Variants in CHRNA7 observed in about 807,000 individuals in gnomAD.
CHRNA7 encodes neuronal acetylcholine receptor subunit alpha-7.
CHRNA7 carries 17 observed loss-of-function variants against 48.0 expected under a neutral mutation model. The ratio of observed to expected loss-of-function variants is 0.35; its 90% CI spans 0.24 to 0.53. The LOEUF is 0.53. Among genes scored for constraint, CHRNA7 ranks in the 20% least tolerant of loss-of-function variants. The pLI, the probability that CHRNA7 is intolerant of heterozygous loss-of-function variation, is 0.92. For missense variants in CHRNA7, 155 were observed against 577.7 expected (o/e 0.27, Z 7.50); for synonymous variants, 75 against 242.3 (o/e 0.31, Z 6.41).
Position 32,134,162 on chromosome 15 carries a change from G to GTT in CHRNA7, c.351-19734_351-19733dup, listed in dbSNP as rs1184841111. Among the ~76,000 whole-genome samples, 4 of 145,226 alleles carry GTT rather than the reference G, an allele frequency of 2.8e-5. No homozygotes were observed. The East Asian group carries it at 8.0e-4, about 29-fold the overall frequency. On this transcript the variant is annotated intron_variant, in intron 4 of 9. Transcript: ENST00000306901. ...TGACTACATGTGGGTTTTTTTGTGTGTTTTTTTTTTTTCTGAGACTGAGTC... is the reference window on the plus strand; with the variant it reads ...TGACTACATGTGGGTTTTTTTGTGTGTTTTTTTTTTTTTTCTGAGACTGAGTC...
intron 2 of CHRNA7, among the ~76,000 whole-genome samples, chr15:32,066,023 G>A (rs1282499175): frequency 6.6e-6 from 1 of 152,258 alleles, no homozygotes; most frequent in Non-Finnish European, 1.5e-5. Flanking sequence ...TCAGCTGCCT[G>A]GCTGTGCCGA....
intron 2 of CHRNA7, among the ~76,000 whole-genome samples, chr15:32,051,064 G>T (rs901583496): frequency 6.9e-4 from 105 of 151,986 alleles, no homozygotes; most frequent in African/African-American, 2.5e-3. Context: ...CTACTTGGGG[G>T]TGCCTCCCAG....
chr15:32,122,523 T>C (rs570343434), intron 4 of CHRNA7, among the ~76,000 whole-genome samples: 23 of 152,238 alleles, frequency 1.5e-4, no homozygotes, highest in Non-Finnish European at 2.6e-4. Context: ...ATTTTTGTGT[T>C]GTTTCCTTTA....
intron 2 of CHRNA7, among the ~76,000 whole-genome samples, chr15:32,076,079 G>T (rs2050132141): frequency 6.6e-6 from 1 of 151,792 alleles, no homozygotes. Context: ...GAGTTTTATG[G>T]TCCAGAGTAT....
chr15:32,065,420 A>G (rs994001137), intron 2 of CHRNA7, among the ~76,000 whole-genome samples: 6 of 152,232 alleles, frequency 3.9e-5, no homozygotes, highest in African/African-American at 1.4e-4. Flanking sequence ...GAGCTTTCCC[A>G]GTCTAGAAAG....
rs2141376815 is a variant in CHRNA7 at position 32,157,528 on chromosome 15, C to T, written c.431-80C>T. On this transcript the variant is annotated intron_variant, in intron 5 of 9. Transcript: ENST00000306901. The stretch of plus-strand genomic sequence containing the variant: ...TTAGCTGCAGTGCGGAGGGCGGAAC[C>T]GGCTGAAGGAACTGCTGTGTATTTT... 1.3e-5 allele frequency: 10 copies of T among 757,968 alleles called. 2 individuals carry two copies. The highest frequency in any genetic ancestry group is 6.4e-5 in the South Asian group (4 of 62,936). The allele number at this position is 757,968 out of a possible 1,614,324, so 47.0% of individuals were successfully genotyped here. A position where few individuals can be genotyped will look rare whatever the true frequency, so the allele number is the denominator to read the frequency against.
chr15:32,143,526 C>T (rs1192030173), intron 4 of CHRNA7, among the ~76,000 whole-genome samples: 3 of 152,154 alleles, frequency 2.0e-5, no homozygotes, highest in Non-Finnish European at 2.9e-5. Context: ...CTGTTAAAGT[C>T]TCCCATTATT....
intron 4 of CHRNA7, among the ~76,000 whole-genome samples, chr15:32,133,508 C>T (rs1407139511): frequency 6.6e-6 from 1 of 152,190 alleles, no homozygotes; most frequent in African/African-American, 2.4e-5. Flanking sequence ...CGTGCTTCTG[C>T]CCTCTTGCCC....
chr15:32,044,971 A>T (rs759491121), intron 2 of CHRNA7, among the ~76,000 whole-genome samples: 27 of 152,178 alleles, frequency 1.8e-4, no homozygotes, highest in Non-Finnish European at 3.7e-4. Context: ...TTCTGTTGAC[A>T]TATATTCAAT....
At chr15:32,124,542 A>G (rs188918489) in intron 4 of CHRNA7, among the ~76,000 whole-genome samples, 1 of 152,370 alleles carries the variant, frequency 6.6e-6, no homozygotes, top group Admixed American at 6.5e-5. Flanking sequence ...AAAAGTAGTA[A>G]TATTCACAAA....
At chr15:32,036,191 C>T (rs1053075485) in intron 2 of CHRNA7, among the ~76,000 whole-genome samples, 2 of 152,178 alleles carry the variant, frequency 1.3e-5, no homozygotes, top group African/African-American at 4.8e-5. Context: ...AGTCTGTAGC[C>T]TTTTCAGATG....
intron 2 of CHRNA7, among the ~76,000 whole-genome samples, chr15:32,070,484 C>CT (rs1289524135): frequency 1.3e-5 from 2 of 151,940 alleles, no homozygotes; most frequent in African/African-American, 4.8e-5. Flanking sequence ...TTCATACAGT[C>CT]TAATTTTATT....
At chr15:32,030,713 C>T in intron 1 of CHRNA7, 64 bp downstream of exon 1, 5 of 1,539,880 alleles carry the variant, frequency 3.2e-6, no homozygotes, top group Non-Finnish European at 4.4e-6. Flanking sequence ...CCGGGCGCCT[C>T]TGTGCGCCCC....
chr15:32,066,927 C>T (rs955286045), intron 2 of CHRNA7, among the ~76,000 whole-genome samples: 6 of 151,860 alleles, frequency 4.0e-5, no homozygotes, highest in African/African-American at 1.2e-4. Flanking sequence ...ATAAAGGATT[C>T]GAACAGGTGG....
At chr15:32,159,262 CA>C (rs1424837647) in intron 7 of CHRNA7, 1 of 260,398 alleles carries the variant, frequency 3.8e-6, no homozygotes, top group Non-Finnish European at 7.3e-6. Context: ...AACTACTTCT[CA>C]ATAATATTTT....
intron 4 of CHRNA7, among the ~76,000 whole-genome samples, chr15:32,141,529 C>T (rs1223713103): frequency 1.3e-5 from 2 of 152,154 alleles, no homozygotes; most frequent in Admixed American, 6.5e-5. Context: ...GCCATTTTCA[C>T]GATATTGATT....
chr15:32,095,269 C>T (rs2050448929), intron 2 of CHRNA7, among the ~76,000 whole-genome samples: 2 of 152,180 alleles, frequency 1.3e-5, no homozygotes, highest in Non-Finnish European at 2.9e-5. Flanking sequence ...GCCAAGCTCC[C>T]CATCAGCAGC....
In CHRNA7 at chr15:32,136,904, C is replaced by A. The variant is rs527653446; in HGVS notation, c.351-17003C>A. On this transcript the variant is annotated intron_variant, in intron 4 of 9. Coordinates refer to ENST00000306901, the MANE Select transcript of CHRNA7 (RefSeq NM_000746.6). ...AAAATTAGCCGGGCGTGGTGGCGGGCGCCTGTAGTCCCAGCTACTTGGGAG... is the reference window on the plus strand; with the variant it reads ...AAAATTAGCCGGGCGTGGTGGCGGGAGCCTGTAGTCCCAGCTACTTGGGAG... Among the ~76,000 whole-genome samples the A allele has an allele frequency of 9.7e-3, 1,436 of 147,826 alleles. 45 individuals are homozygous for A. The highest frequency in any genetic ancestry group is 0.035 in the African/African-American group (1,374 of 38,724).
intron 4 of CHRNA7, among the ~76,000 whole-genome samples, chr15:32,114,044 G>GTA (rs1321921481): frequency 0.028 from 1,747 of 63,508 alleles, 31 homozygotes; most frequent in African/African-American, 0.073. Flanking sequence ...ATATATATAT[G>GTA]TATATATATA....
Sources: gnomAD v4.1 joint callset for allele counts (sites outside exome capture counted in the v4.1 genomes callset) on GRCh38, gnomAD v4.1.1 for gene constraint, MANE v1.5 for transcripts, NCBI Gene and HGNC (gene_info 2026-07-23, HGNC 2026-07-21) for gene names.